CFDP1: variants seen among roughly 807,000 people sequenced by gnomAD.
CFDP1 encodes heterochromatin-stabilizing protein CFDP1.
CFDP1 carries 31 observed loss-of-function variants against 40.1 expected under a neutral mutation model. The ratio of observed to expected loss-of-function variants is 0.77; its 90% CI spans 0.58 to 1.04. The LOEUF (loss-of-function observed/expected upper bound fraction) is 1.04, where lower values mean the gene tolerates loss of function less well. CFDP1 is among the 50% of genes least tolerant of loss of function. CFDP1 has a pLI of 0.00. For missense variants in CFDP1, 423 were observed against 343.4 expected (o/e 1.23, Z -1.83); for synonymous variants, 167 against 120.0 (o/e 1.39, Z -2.56).
At chr16:75,411,003 G>A (rs1345498363) in intron 4 of CFDP1, among the ~76,000 whole-genome samples, 1 of 151,368 alleles carries the variant, frequency 6.6e-6, no homozygotes, top group Non-Finnish European at 1.5e-5. Flanking sequence ...TGGATCACCT[G>A]AGGTCAGGAG....
At chr16:75,354,069 G>A (rs1171767692) in intron 5 of CFDP1, among the ~76,000 whole-genome samples, 1 of 152,100 alleles carries the variant, frequency 6.6e-6, no homozygotes, top group African/African-American at 2.4e-5. Context: ...TTCACTTCCA[G>A]TATAGTATTT....
At chr16:75,405,749 C>CAAAAA (rs35698522) in intron 4 of CFDP1, among the ~76,000 whole-genome samples, 1 of 100,454 alleles carries the variant, frequency 1.0e-5, no homozygotes, top group African/African-American at 4.1e-5. Flanking sequence ...GACTCCATCT[C>CAAAAA]AAAAAAAAAA....
chr16:75,360,219 T>A (rs940806112), intron 5 of CFDP1, among the ~76,000 whole-genome samples: 1 of 151,978 alleles, frequency 6.6e-6, no homozygotes. Flanking sequence ...AATATTACTT[T>A]CCACTAAAGG....
chr16:75,397,155 C>A (rs532465692), intron 4 of CFDP1, among the ~76,000 whole-genome samples: 2 of 151,692 alleles, frequency 1.3e-5, no homozygotes, highest in Non-Finnish European at 2.9e-5. Context: ...ACCTTGTGAT[C>A]TGCCCGCCTT....
chr16:75,318,935 C>A (rs951906840), intron 5 of CFDP1, among the ~76,000 whole-genome samples: 1 of 152,218 alleles, frequency 6.6e-6, no homozygotes, highest in South Asian at 2.1e-4. Flanking sequence ...TAAAACAAGT[C>A]ATGCCTGCCC....
At chr16:75,317,903 G>A (rs182172064) in intron 5 of CFDP1, among the ~76,000 whole-genome samples, 35 of 152,022 alleles carry the variant, frequency 2.3e-4, no homozygotes, top group African/African-American at 6.8e-4. Context: ...CTAACGTCAG[G>A]AGTTCGAGAC....
intron 5 of CFDP1, among the ~76,000 whole-genome samples, chr16:75,362,042 T>C (rs1220427623): frequency 6.6e-6 from 1 of 152,178 alleles, no homozygotes; most frequent in African/African-American, 2.4e-5. Flanking sequence ...AAGAATTCAA[T>C]GAAGTTATTC....
chr16:75,311,584 A>T lies in CFDP1; in HGVS notation c.651-6402T>A, dbSNP rs548240419. ...CAGCAAGGATAGGGTTAACATGTGT[A>T]CAGAAGCACCACTGATCTTTAATCC... On this transcript the variant is annotated intron_variant, in intron 5 of 6. Transcript: ENST00000283882. Among the ~76,000 whole-genome samples the T allele has an allele frequency of 2.6e-5, 4 of 152,342 alleles. No individual in the cohort carries two copies. The South Asian group carries it at 8.3e-4, about 32-fold the overall frequency.
At chr16:75,411,683 A>C in intron 4 of CFDP1, 142 bp downstream of exon 4, 4 of 799,788 alleles carry the variant, frequency 5.0e-6, no homozygotes, top group Non-Finnish European at 5.9e-6. Context: ...GGTAATTTAT[A>C]GAGCCAGTTT....
intron 5 of CFDP1, among the ~76,000 whole-genome samples, chr16:75,337,590 G>C (rs1049907507): frequency 2.6e-5 from 4 of 152,190 alleles, no homozygotes; most frequent in African/African-American, 7.2e-5. Flanking sequence ...AGGTTGTACA[G>C]AAAGCATGGC....
At chr16:75,351,335 A>C (rs191791286) in intron 5 of CFDP1, among the ~76,000 whole-genome samples, 322 of 152,346 alleles carry the variant, frequency 2.1e-3, no homozygotes, top group African/African-American at 7.6e-3. Flanking sequence ...TAATGTCTTG[A>C]AATAATGTTT....
At chr16:75,412,848 G>C (rs758846635) in intron 2 of CFDP1, 94 bp from the exon 3 acceptor site, 425 of 961,584 alleles carry the variant, frequency 4.4e-4, no homozygotes, top group Non-Finnish European at 5.7e-4. Flanking sequence ...ATAAACCCAA[G>C]AACACTTTAA....
At chr16:75,384,534 A>G (rs575580148) in intron 5 of CFDP1, among the ~76,000 whole-genome samples, 15 of 152,324 alleles carry the variant, frequency 9.8e-5, no homozygotes, top group African/African-American at 3.6e-4. Context: ...GCTTCTGCCT[A>G]TTTAGCAGCA....
chr16:75,299,424 T>TAAAAAA (rs55975805), intron 6 of CFDP1, among the ~76,000 whole-genome samples: 15 of 143,416 alleles, frequency 1.0e-4, no homozygotes, highest in African/African-American at 3.6e-4. Context: ...CATCTCTACT[T>TAAAAAA]AAAAAAAAAA....
chr16:75,382,542 T>A (rs2078861154), intron 5 of CFDP1, among the ~76,000 whole-genome samples: 1 of 152,174 alleles, frequency 6.6e-6, no homozygotes, highest in South Asian at 2.1e-4. Flanking sequence ...GAAATTGAGG[T>A]CAGACTGGTC....
chr16:75,377,730 C>G (rs1248943722), intron 5 of CFDP1, among the ~76,000 whole-genome samples: 2 of 152,188 alleles, frequency 1.3e-5, no homozygotes, highest in Non-Finnish European at 1.5e-5. Flanking sequence ...TGCTTCTCCA[C>G]TTCTCGAGGT....
At chr16:75,411,376 A>G (rs2079161302) in intron 4 of CFDP1, among the ~76,000 whole-genome samples, 2 of 152,204 alleles carry the variant, frequency 1.3e-5, no homozygotes, top group Admixed American at 6.5e-5. Context: ...ACGCCACTGC[A>G]TTCCATCCTG....
At chr16:75,334,930 G>A (rs1057315335) in intron 5 of CFDP1, among the ~76,000 whole-genome samples, 8 of 151,616 alleles carry the variant, frequency 5.3e-5, no homozygotes, top group Non-Finnish European at 1.2e-4. Flanking sequence ...ATTCCAGCCT[G>A]GGCGACAAAG....
intron 1 of CFDP1, among the ~76,000 whole-genome samples, chr16:75,422,426 G>T (rs775074581): frequency 1.1e-4 from 14 of 131,830 alleles, no homozygotes; most frequent in Non-Finnish European, 2.0e-4. Flanking sequence ...TTGAGACAGA[G>T]TCTCGCTCTG....
Sources: allele counts gnomAD v4.1 joint callset (sites outside exome capture counted in the v4.1 genomes callset), GRCh38; gene constraint gnomAD v4.1.1; transcripts MANE v1.5; gene names NCBI Gene and HGNC (gene_info 2026-07-23, HGNC 2026-07-21).